Variants in VWA8 observed in about 807,000 individuals in gnomAD.
The protein encoded by VWA8 is von Willebrand factor A domain-containing protein 8.
VWA8 carries 221 observed loss-of-function variants against 241.5 expected under a neutral mutation model. The observed-to-expected ratio is 0.91, with a 90% CI of 0.82 to 1.02. The LOEUF (loss-of-function observed/expected upper bound fraction) is 1.02. VWA8 is among the 50% of genes least tolerant of loss of function. The pLI is 0.00. For missense variants in VWA8, 2,322 were observed against 2,328.7 expected, an observed-to-expected ratio of 1.00 and a Z score of 0.06; for synonymous variants, 852 against 827.1, an observed-to-expected ratio of 1.03 and a Z score of -0.52.
chr13:41,929,011 C>A (rs1243366995), intron 2 of VWA8, among the ~76,000 whole-genome samples: 2 of 151,996 alleles, frequency 1.3e-5, no homozygotes, highest in Admixed American at 1.3e-4. Flanking sequence ...CCATGCAATA[C>A]CTTTCAAAAT....
In VWA8 at chr13:41,961,092, C is replaced by A; in HGVS notation, c.-77G>T. 1 of 1,281,008 alleles carries A rather than the reference C, an allele frequency of 7.8e-7. No individual in the cohort carries two copies. The highest frequency in any genetic ancestry group is 1.0e-6 in the Non-Finnish European group (1 of 996,710). The allele number at this position is 1,281,008 out of a possible 1,614,324, so 79.4% of individuals were successfully genotyped here. On this transcript the variant is annotated 5_prime_UTR_variant, in exon 1 of 45. Transcript: ENST00000379310. The stretch of plus-strand genomic sequence containing the variant: ...GTCCCGTGCAGGCACCGTGAGGCAG[C>A]GCGGAGAAGGGGACAGGAAGCGGCA...
intron 30 of VWA8, 126 bp from the exon 31 acceptor site, chr13:41,692,064 C>T: frequency 1.6e-6 from 1 of 620,244 alleles, no homozygotes; most frequent in Non-Finnish European, 2.9e-6. Context: ...CTCAAACAAG[C>T]TATCTATTTA....
At chr13:41,622,779 C>T (rs2044665537) in intron 37 of VWA8, among the ~76,000 whole-genome samples, 1 of 152,186 alleles carries the variant, frequency 6.6e-6, no homozygotes, top group South Asian at 2.1e-4. Flanking sequence ...ATATTTTAGG[C>T]TCCTCCTTGA....
chr13:41,779,229 T>C (rs938117310), intron 19 of VWA8, among the ~76,000 whole-genome samples: 1 of 147,940 alleles, frequency 6.8e-6, no homozygotes, highest in African/African-American at 2.4e-5. Context: ...GATATAAAAA[T>C]ATATAAATAT....
chr13:41,851,762 C>T (rs554353755), intron 12 of VWA8, among the ~76,000 whole-genome samples: 7 of 152,128 alleles, frequency 4.6e-5, no homozygotes, highest in South Asian at 2.1e-4. Context: ...TTAATACAGA[C>T]GGGATTTTCT....
intron 2 of VWA8, among the ~76,000 whole-genome samples, chr13:41,942,256 C>G (rs1005780344): frequency 1.3e-5 from 2 of 152,032 alleles, no homozygotes; most frequent in African/African-American, 4.8e-5. Flanking sequence ...TAAATATTCC[C>G]AACTCCCACT....
At chr13:41,575,589 C>A (rs1694038943) in intron 43 of VWA8, 151 bp downstream of exon 43, 2 of 563,488 alleles carry the variant, frequency 3.5e-6, no homozygotes, top group Non-Finnish European at 6.1e-6. Flanking sequence ...GGATTTTAGG[C>A]ATGATGGGTG....
intron 22 of VWA8, 145 bp from the exon 23 acceptor site, chr13:41,729,822 C>T (rs2045468120): frequency 1.7e-6 from 1 of 581,068 alleles, no homozygotes; most frequent in South Asian, 3.8e-5. Context: ...CACACACACA[C>T]ACACACACAC....
chr13:41,691,191 A>T (rs2045174554), intron 32 of VWA8, 129 bp downstream of exon 32: 11 of 1,158,678 alleles, frequency 9.5e-6, no homozygotes, highest in Non-Finnish European at 1.3e-5. Flanking sequence ...TCATATATAG[A>T]GATGCTGCCA....
chr13:41,639,307 A>G (rs1189280206), intron 37 of VWA8, among the ~76,000 whole-genome samples: 1 of 152,214 alleles, frequency 6.6e-6, no homozygotes, highest in African/African-American at 2.4e-5. Context: ...AGTGAAACCT[A>G]AAGCCACATT....
At chr13:41,612,753 T>C (rs1312347429) in intron 38 of VWA8, among the ~76,000 whole-genome samples, 1 of 152,158 alleles carries the variant, frequency 6.6e-6, no homozygotes, top group Non-Finnish European at 1.5e-5. Context: ...AGGGGCAGTA[T>C]AGTATAATAC....
chr13:41,668,258 G>C (rs1229062576), intron 37 of VWA8, among the ~76,000 whole-genome samples: 2 of 152,046 alleles, frequency 1.3e-5, no homozygotes, highest in African/African-American at 4.8e-5. Flanking sequence ...TGCTCAACAG[G>C]AACCATACAA....
In VWA8 at chr13:41,692,857, C is replaced by T; in HGVS notation, c.3675+5G>A. ...AATTTGTGGGACAAATGTGGTGTTT[C>T]TTACAGCTTCTTCTTTGTTCCACCA... On this transcript the variant is annotated splice_donor_5th_base_variant and intron_variant, in intron 30 of 44. Coordinates refer to ENST00000379310, the MANE Select transcript of VWA8 (RefSeq NM_015058.2). 1 of 1,603,344 alleles carries T rather than the reference C, an allele frequency of 6.2e-7. No homozygotes were observed. Among genetic ancestry groups the T allele is most frequent in the Admixed American group, 1.7e-5 (1 of 59,146 alleles).
At chr13:41,573,483 AAAAATAT>A (rs959151994) in intron 43 of VWA8, among the ~76,000 whole-genome samples, 9 of 128,578 alleles carry the variant, frequency 7.0e-5, no homozygotes, top group African/African-American at 2.8e-4. Flanking sequence ...TTAAAAAAAA[AAAAATAT>A]ATATATATAT....
intron 44 of VWA8, among the ~76,000 whole-genome samples, chr13:41,568,634 G>A (rs746773713): frequency 6.6e-6 from 1 of 152,108 alleles, no homozygotes; most frequent in Non-Finnish European, 1.5e-5. Context: ...AGAGCCATAG[G>A]GATTCATATG....
intron 13 of VWA8, 21 bp from the exon 14 acceptor site, chr13:41,830,663 C>T (rs1282320023): frequency 1.2e-6 from 2 of 1,601,844 alleles, no homozygotes; most frequent in African/African-American, 1.3e-5. Flanking sequence ...AAGAAAAAAG[C>T]CCGAAAATAA....
rs934662868 is a variant in VWA8, at chr13:41,925,046, C to T, written c.242-12878G>A. Among the ~76,000 whole-genome samples, 8 of 152,150 alleles carry T rather than the reference C, an allele frequency of 5.3e-5. 1 individual carries two copies. The highest frequency in any genetic ancestry group is 3.3e-4 in the Admixed American group (5 of 15,288). ...GCATCAAGTCACATATAAGGGAATC[C>T]CCATTAGACTATTAGATTTCTCTGT... On this transcript the variant is annotated intron_variant, in intron 2 of 44. Transcript: ENST00000379310.
chr13:41,745,392 T>C (rs1178355941), intron 21 of VWA8, among the ~76,000 whole-genome samples: 1 of 152,166 alleles, frequency 6.6e-6, no homozygotes, highest in Non-Finnish European at 1.5e-5. Flanking sequence ...ATGTGGTGTT[T>C]GGTTTTCTGT....
rs942703714 is a variant in VWA8 at position 41,809,184 on chromosome 13, CACAA to C, written c.2063+2037_2063+2040del. Among the ~76,000 whole-genome samples the C allele has an allele frequency of 8.5e-5, 13 of 152,136 alleles. No homozygotes were observed. In the Middle Eastern group the frequency reaches 0.01, roughly 119 times the overall value. ...AATGCTGTTAAAATGTCCATACTACCACAAACAATCTACAGATTAAATGCAATCC... is the reference window on the plus strand; with the variant it reads ...AATGCTGTTAAAATGTCCATACTACCACAATCTACAGATTAAATGCAATCC... On this transcript the variant is annotated intron_variant, in intron 17 of 44. Transcript: ENST00000379310.
Sources: allele counts gnomAD v4.1 joint callset (sites outside exome capture counted in the v4.1 genomes callset), GRCh38; gene constraint gnomAD v4.1.1; transcripts MANE v1.5; gene names NCBI Gene and HGNC (gene_info 2026-07-23, HGNC 2026-07-21).